Variants in LINGO2 observed in about 807,000 individuals in gnomAD.
LINGO2 encodes leucine rich repeat and Ig domain containing 2.
In LINGO2, 14 loss-of-function variants were observed where a neutral mutation model predicts 30.6. The observed-to-expected ratio is 0.46, with a 90% CI of 0.30 to 0.72. The LOEUF is 0.72. Ranked by LOEUF, LINGO2 falls within the 30% of genes least tolerant of loss-of-function variation. LINGO2 has a pLI of 0.07. For missense variants in LINGO2, 729 were observed against 751.7 expected (o/e 0.97, Z 0.35); for synonymous variants, 317 against 288.5 (o/e 1.10, Z -1.00).
chr9:28,717,482 T>C, the LINGO2 span, among the ~76,000 whole-genome samples: 52,525 of 151,702 alleles, frequency 0.35, 9,752 homozygotes, highest in Admixed American at 0.46. Flanking sequence ...ACAATAAACA[T>C]GAGATTTTGG....
At chr9:28,327,749 T>A (rs1212685781) in intron 3 of LINGO2, among the ~76,000 whole-genome samples, 1 of 152,192 alleles carries the variant, frequency 6.6e-6, no homozygotes, top group African/African-American at 2.4e-5. Context: ...TTTCATCTGA[T>A]AAAATATACT....
the LINGO2 span, among the ~76,000 whole-genome samples, chr9:28,705,580 T>C: frequency 0.077 from 11,744 of 152,134 alleles, 622 homozygotes; most frequent in Admixed American, 0.19. Context: ...CTCCGGAGTA[T>C]TTCAAACTAG....
intron 3 of LINGO2, among the ~76,000 whole-genome samples, chr9:28,320,625 C>T (rs920570459): frequency 1.3e-5 from 2 of 152,068 alleles, no homozygotes; most frequent in African/African-American, 2.4e-5. Flanking sequence ...AGGCACAGGA[C>T]GCAGAAGTGG....
At chr9:29,162,108 C>T in the LINGO2 span, among the ~76,000 whole-genome samples, 23 of 151,928 alleles carry the variant, frequency 1.5e-4, no homozygotes, top group Non-Finnish European at 2.1e-4. Context: ...TGGGTAGGTA[C>T]GGACTTTCAT....
chr9:29,154,242 G>A, the LINGO2 span, among the ~76,000 whole-genome samples: 21 of 151,912 alleles, frequency 1.4e-4, no homozygotes, highest in African/African-American at 4.4e-4. Context: ...TCAGGAGATT[G>A]AGACCATCCT....
At chr9:29,187,343 A>G in the LINGO2 span, among the ~76,000 whole-genome samples, 1 of 152,236 alleles carries the variant, frequency 6.6e-6, no homozygotes, top group Non-Finnish European at 1.5e-5. Context: ...ATCTTATAAG[A>G]AAACAAGAAT....
the LINGO2 span, among the ~76,000 whole-genome samples, chr9:28,774,041 TACACACACAC>T: frequency 0.028 from 4,051 of 146,846 alleles, 164 homozygotes; most frequent in African/African-American, 0.087. Context: ...TTCTTTTTGA[TACACACACAC>T]ACACACACAC....
At chr9:28,341,226 T>A (rs1825756085) in intron 3 of LINGO2, among the ~76,000 whole-genome samples, 1 of 152,154 alleles carries the variant, frequency 6.6e-6, no homozygotes, top group Admixed American at 6.6e-5. Flanking sequence ...TTTGCAATTT[T>A]AAAAATTTAT....
chr9:28,578,538 T>C (rs1446750356), intron 1 of LINGO2, among the ~76,000 whole-genome samples: 4 of 152,198 alleles, frequency 2.6e-5, no homozygotes, highest in Non-Finnish European at 5.9e-5. Context: ...AGACGTCTCT[T>C]ACAAGACTCA....
At chr9:28,602,930 TC>T (rs2135753045) in intron 1 of LINGO2, among the ~76,000 whole-genome samples, 1 of 152,162 alleles carries the variant, frequency 6.6e-6, no homozygotes, top group South Asian at 2.1e-4. Context: ...GTTTTCTGCT[TC>T]ATAAATGCAA....
chr9:28,082,842 G>A (rs545624612), intron 4 of LINGO2, among the ~76,000 whole-genome samples: 18 of 151,916 alleles, frequency 1.2e-4, no homozygotes, highest in South Asian at 1.0e-3. Context: ...TCCTTCAGTC[G>A]GTAAAATCAG....
chr9:29,207,843 A>C, the LINGO2 span, among the ~76,000 whole-genome samples: 1 of 152,056 alleles, frequency 6.6e-6, no homozygotes, highest in Non-Finnish European at 1.5e-5. Context: ...TTCTAGTCAA[A>C]TCCTAGCGAA....
chr9:28,094,724 T>C (rs1826195084), intron 4 of LINGO2, among the ~76,000 whole-genome samples: 1 of 152,124 alleles, frequency 6.6e-6, no homozygotes, highest in Non-Finnish European at 1.5e-5. Flanking sequence ...TCAATTTTCA[T>C]GTCTTTCATT....
chr9:28,674,927 A>G (rs894998535), upstream of LINGO2, among the ~76,000 whole-genome samples: 2 of 151,174 alleles, frequency 1.3e-5, no homozygotes, highest in African/African-American at 4.8e-5. Context: ...GACCTACAGA[A>G]ATGGTCTACA....
rs1564290352 is a variant in LINGO2 at position 28,557,087 on chromosome 9, GC to G, written c.-364-81063del. Among the ~76,000 whole-genome samples the G allele has an allele frequency of 2.0e-5, 3 of 152,164 alleles. No homozygotes were observed. The East Asian group carries it at 5.8e-4, about 29-fold the overall frequency. ...ATTACCATTCAGGACATAGGCATGGGCAAGGACTTCATGTCTAAAACACCAA... is the reference window on the plus strand; with the variant it reads ...ATTACCATTCAGGACATAGGCATGGGAAGGACTTCATGTCTAAAACACCAA... On this transcript the variant is annotated intron_variant, in intron 1 of 5. Transcript: ENST00000379992.
the LINGO2 span, among the ~76,000 whole-genome samples, chr9:28,856,484 C>A: frequency 6.6e-6 from 1 of 151,882 alleles, no homozygotes; most frequent in Non-Finnish European, 1.5e-5. Context: ...TCTGGACTGT[C>A]CCCAGAGAAG....
chr9:27,957,815 A>T (rs1819650982), intron 5 of LINGO2, among the ~76,000 whole-genome samples: 1 of 152,244 alleles, frequency 6.6e-6, no homozygotes, highest in Non-Finnish European at 1.5e-5. Context: ...TTATAACAGT[A>T]TTGAACAACT....
At chr9:28,478,710 T>C (rs1406800678) in intron 1 of LINGO2, among the ~76,000 whole-genome samples, 1 of 152,128 alleles carries the variant, frequency 6.6e-6, no homozygotes, top group African/African-American at 2.4e-5. Flanking sequence ...CAACAATACA[T>C]CACTAAGTAG....
chr9:28,773,627 T>C, the LINGO2 span, among the ~76,000 whole-genome samples: 10,691 of 152,188 alleles, frequency 0.07, 1,248 homozygotes, highest in African/African-American at 0.24. Flanking sequence ...TATCTATTAT[T>C]CATGCTGCTT....
Sources: gnomAD v4.1 joint callset for allele counts (sites outside exome capture counted in the v4.1 genomes callset) on GRCh38, gnomAD v4.1.1 for gene constraint, MANE v1.5 for transcripts, NCBI Gene and HGNC (gene_info 2026-07-23, HGNC 2026-07-21) for gene names.